The following DOCK1 variants were observed in gnomAD, a reference collection of about 807,000 sequenced individuals.
The protein encoded by DOCK1 is dedicator of cytokinesis 1.
Under a neutral mutation model 262.7 loss-of-function variants are expected in DOCK1, and 138 were observed. The ratio of observed to expected loss-of-function variants is 0.53; its 90% CI spans 0.46 to 0.61. The LOEUF is 0.61. Ranked by LOEUF, DOCK1 falls within the 20% of genes least tolerant of loss-of-function variation. The pLI is 0.00. For synonymous variants in DOCK1, 866 were observed against 867.4 expected, an observed-to-expected ratio of 1.00 and a Z score of 0.03; for missense variants, 1,908 against 2,370.7, an observed-to-expected ratio of 0.80 and a Z score of 4.05.
intron 1 of DOCK1, among the ~76,000 whole-genome samples, chr10:126,963,165 T>G (rs2037357238): frequency 6.6e-6 from 1 of 152,218 alleles, no homozygotes; most frequent in Non-Finnish European, 1.5e-5. Flanking sequence ...TCCAATTTTG[T>G]TTTTGTTTTT....
intron 16 of DOCK1, among the ~76,000 whole-genome samples, chr10:127,026,743 C>T (rs1489814120): frequency 6.6e-6 from 1 of 152,170 alleles, no homozygotes; most frequent in East Asian, 1.9e-4. Flanking sequence ...ACAAATACCT[C>T]TCAAACATGG....
At chr10:127,128,336 ATT>A (rs59508487) in intron 27 of DOCK1, among the ~76,000 whole-genome samples, 3,576 of 137,298 alleles carry the variant, frequency 0.026, 128 homozygotes, top group African/African-American at 0.087. Flanking sequence ...ATCTCGTTTA[ATT>A]TTTTTTTTTT....
chr10:127,363,024 C>T (rs10829843), intron 33 of DOCK1, among the ~76,000 whole-genome samples: 3,110 of 75,318 alleles, frequency 0.041, 358 homozygotes, highest in African/African-American at 0.14. Flanking sequence ...CACACACACA[C>T]ACACATGCAC....
chr10:127,004,751 C>T (rs539883277), intron 10 of DOCK1, among the ~76,000 whole-genome samples: 26 of 127,298 alleles, frequency 2.0e-4, no homozygotes, highest in African/African-American at 6.3e-4. Flanking sequence ...CCTGTCCCCC[C>T]CAACGGCCCC....
intron 1 of DOCK1, among the ~76,000 whole-genome samples, chr10:126,908,193 A>G (rs1012107971): frequency 6.6e-6 from 1 of 152,198 alleles, no homozygotes; most frequent in Admixed American, 6.5e-5. Context: ...CTTGTCTGCA[A>G]GTGTGCAGTG....
chr10:127,323,848 C>T (rs761906490), intron 29 of DOCK1, among the ~76,000 whole-genome samples: 7 of 152,234 alleles, frequency 4.6e-5, no homozygotes, highest in Non-Finnish European at 1.0e-4. Flanking sequence ...GAACAGGAAG[C>T]CTGCTCCTCC....
intron 32 of DOCK1, among the ~76,000 whole-genome samples, chr10:127,359,864 A>C (rs1424741829): frequency 6.6e-6 from 1 of 152,216 alleles, no homozygotes; most frequent in Non-Finnish European, 1.5e-5. Context: ...TGGTTTCCTG[A>C]TTGTGTAGAA....
chr10:126,966,679 A>G (rs879016669), intron 1 of DOCK1, among the ~76,000 whole-genome samples: 82,962 of 151,946 alleles, frequency 0.55, 23,805 homozygotes, highest in African/African-American at 0.71. Context: ...GGTGATCGCA[A>G]TACCTTTTTA....
At chr10:127,013,180 A>G (rs1178775530) in intron 12 of DOCK1, among the ~76,000 whole-genome samples, 2 of 152,322 alleles carry the variant, frequency 1.3e-5, no homozygotes, top group South Asian at 2.1e-4. Flanking sequence ...AGGGATCTGC[A>G]GGGACCTCCA....
intron 29 of DOCK1, among the ~76,000 whole-genome samples, chr10:127,284,962 G>C (rs1464062809): frequency 6.6e-6 from 1 of 151,960 alleles, no homozygotes; most frequent in East Asian, 1.9e-4. Flanking sequence ...GTCAGACCTT[G>C]TCTCTACAAA....
chr10:127,035,036 C>T (rs917196666), intron 18 of DOCK1, among the ~76,000 whole-genome samples: 2 of 152,178 alleles, frequency 1.3e-5, no homozygotes, highest in East Asian at 1.9e-4. Flanking sequence ...AAGGAAATTC[C>T]GATGTGATGC....
intron 3 of DOCK1, 84 bp downstream of exon 3, chr10:126,978,072 G>A: frequency 7.3e-7 from 1 of 1,369,420 alleles, no homozygotes; most frequent in Non-Finnish European, 1.0e-6. Context: ...ATTTGTGTCT[G>A]AGGGTTTTAC....
intron 49 of DOCK1, among the ~76,000 whole-genome samples, chr10:127,439,944 A>G (rs2069981837): frequency 6.6e-6 from 1 of 152,056 alleles, no homozygotes; most frequent in South Asian, 2.1e-4. Flanking sequence ...AGTGCACCAC[A>G]TTGGGAATCT....
chr10:127,299,943 C>T (rs1206660942), intron 29 of DOCK1, among the ~76,000 whole-genome samples: 2 of 152,198 alleles, frequency 1.3e-5, no homozygotes, highest in African/African-American at 4.8e-5. Context: ...TGCAAAGTTC[C>T]TTATCTCAGG....
At chr10:126,989,210 G>A (rs1239746628) in intron 5 of DOCK1, among the ~76,000 whole-genome samples, 1 of 152,130 alleles carries the variant, frequency 6.6e-6, no homozygotes, top group Non-Finnish European at 1.5e-5. Context: ...CTAGAAAGAA[G>A]GTTAAATACC....
At chr10:127,017,657 C>G (rs1263470110) in intron 12 of DOCK1, among the ~76,000 whole-genome samples, 2 of 152,134 alleles carry the variant, frequency 1.3e-5, no homozygotes, top group Non-Finnish European at 2.9e-5. Flanking sequence ...GAAATGAGGA[C>G]AGAGGCTTTG....
chr10:127,279,884 G>T (rs74849717), intron 29 of DOCK1, among the ~76,000 whole-genome samples: 1 of 151,852 alleles, frequency 6.6e-6, no homozygotes, highest in Non-Finnish European at 1.5e-5. Context: ...CAAAGCAGTG[G>T]CGTTTTCTTA....
Position 126,995,039 on chromosome 10 carries a change from G to C in DOCK1, c.474-1709G>C, listed in dbSNP as rs982111702. On this transcript the variant is annotated intron_variant, in intron 6 of 51. Coordinates refer to ENST00000623213, the MANE Select transcript of DOCK1 (RefSeq NM_001290223.2). The surrounding 1 kb of genome is among the most constrained non-coding windows in gnomAD (Gnocchi z 5.8). ...GGGCAGAGACACTCCTCAGTTCCCAGACGGGGTCGTGGCTGGGCAGAGGCG... is the reference window on the plus strand; with the variant it reads ...GGGCAGAGACACTCCTCAGTTCCCACACGGGGTCGTGGCTGGGCAGAGGCG... Among the ~76,000 whole-genome samples the C allele has an allele frequency of 6.6e-6, 1 of 150,742 alleles. No individual in the cohort carries two copies. The highest frequency in any genetic ancestry group is 2.4e-5 in the African/African-American group (1 of 40,834).
intron 27 of DOCK1, among the ~76,000 whole-genome samples, chr10:127,186,479 C>A (rs191490358): frequency 3.8e-5 from 5 of 130,768 alleles, no homozygotes; most frequent in Non-Finnish European, 6.3e-5. Context: ...ATTTCACTCA[C>A]AATCATGATA....
Sources: allele counts gnomAD v4.1 joint callset (sites outside exome capture counted in the v4.1 genomes callset), GRCh38; gene constraint gnomAD v4.1.1; non-coding constraint Gnocchi (gnomAD v3.1); transcripts MANE v1.5; gene names NCBI Gene and HGNC (gene_info 2026-07-23, HGNC 2026-07-21).